MRPL19: variants seen among roughly 807,000 people sequenced by gnomAD.
MRPL19 encodes mitochondrial ribosomal protein L19, also known as large ribosomal subunit protein bL19m.
Under a neutral mutation model 34.0 loss-of-function variants are expected in MRPL19, and 31 were observed. The ratio of observed to expected loss-of-function variants is 0.91; its 90% CI spans 0.68 to 1.23. The LOEUF (loss-of-function observed/expected upper bound fraction) is 1.23, where lower values mean the gene tolerates loss of function less well. Ranked by LOEUF, MRPL19 falls within the 50% of genes most tolerant of loss-of-function variation. The pLI is 0.00. For synonymous variants in MRPL19, 152 were observed against 127.7 expected (o/e 1.19, Z -1.28); for missense variants, 384 against 367.6 (o/e 1.04, Z -0.37).
rs1351055256 is a variant in MRPL19, at chr2:75,659,680, T to G, written c.*4395T>G. Among the ~76,000 whole-genome samples, 1 of 152,200 alleles carries G rather than the reference T, an allele frequency of 6.6e-6. No individual in the cohort carries two copies. The highest frequency in any genetic ancestry group is 1.5e-5 in the Non-Finnish European group (1 of 68,026). On this transcript the variant is annotated 3_prime_UTR_variant, in exon 6 of 6. Transcript: ENST00000393909. ...GGTAACAGTATTTTTCTTTCAGCAC[T>G]TTAAATATGTCATCCCACTACCTTC...
intron 2 of MRPL19, 36 bp downstream of exon 2, chr2:75,647,255 G>A (rs1320488967): frequency 3.2e-6 from 5 of 1,546,716 alleles, no homozygotes; most frequent in Non-Finnish European, 3.5e-6. Context: ...CGGCAACTGG[G>A]GTCGGTGCGC....
rs546259886 is a variant in MRPL19 at position 75,652,413 on chromosome 2, GAAGTT to G, written c.341-103_341-99del. The G allele has an allele frequency of 5.2e-4, 716 of 1,388,208 alleles. 1 individual carries two copies. Among genetic ancestry groups the G allele is most frequent in the Middle Eastern group, 2.9e-3 (15 of 5,188 alleles). The allele number at this position is 1,388,208 out of a possible 1,614,324, so 86.0% of individuals were successfully genotyped here. Reference sequence around the variant, plus strand: ...TTTATTCCTACATTAAAACATTTAGGAAGTTAAGTTATCTAGAAATGCTATTTGTT... The same window carrying G: ...TTTATTCCTACATTAAAACATTTAGGAAGTTATCTAGAAATGCTATTTGTT... On this transcript the variant is annotated intron_variant, in intron 3 of 5. Transcript: ENST00000393909.
At chr2:75,652,352 G>GT in intron 3 of MRPL19, 92 bp downstream of exon 3, 1 of 1,311,372 alleles carries the variant, frequency 7.6e-7, no homozygotes, top group Non-Finnish European at 1.1e-6. Flanking sequence ...AAAGAAGATT[G>GT]TTTTTTACAT....
rs760001210 is a variant in MRPL19 at position 75,652,278 on chromosome 2, G to A, written c.340+18G>A. 2.0e-6 allele frequency: 3 copies of A among 1,478,506 alleles called. No homozygotes were observed. The highest frequency in any genetic ancestry group is 2.1e-5 in the Admixed American group (1 of 48,256). 91.6% of individuals were successfully genotyped at this position (1,478,506 alleles called of 1,614,324 possible). ...CTATGTTGGTCAGTAAGAGCTGTAT[G>A]TTTTTATTATTAGTAATTAGGATGG... is the stretch of plus-strand genomic sequence containing the variant. On this transcript the variant is annotated intron_variant, in intron 3 of 5. Coordinates refer to ENST00000393909, the MANE Select transcript of MRPL19 (RefSeq NM_014763.4).
Position 75,647,190 on chromosome 2 carries a change from C to G in MRPL19, c.192C>G (p.Asp64Glu), listed in dbSNP as rs1215436159. The change falls in exon 2 of 6, where the codon GAC becomes GAG. Residue 64 changes from aspartate (D) to glutamate (E), a missense_variant. Transcript: ENST00000393909. Reference sequence around the variant, plus strand: ...CGCCGCCGAAACCGGTCATCGTGGACAAGCACCGCCCCGTGGAACCGGAAC... The same window carrying G: ...CGCCGCCGAAACCGGTCATCGTGGAGAAGCACCGCCCCGTGGAACCGGAAC... ...FQPPPKPVIV[D>E]KHRPVEPERR... is the part of the protein sequence containing the mutation. 2.5e-6 allele frequency: 4 copies of G among 1,581,092 alleles called. No individual in the cohort carries two copies. Among genetic ancestry groups the G allele is most frequent in the Non-Finnish European group, 3.4e-6 (4 of 1,163,154 alleles).
intron 2 of MRPL19, 46 bp downstream of exon 2, chr2:75,647,265 C>T (rs771886271): frequency 2.6e-6 from 4 of 1,519,556 alleles, no homozygotes; most frequent in Admixed American, 2.1e-5. Context: ...GGTCGGTGCG[C>T]GCGTGAGCGC....
intron 4 of MRPL19, among the ~76,000 whole-genome samples, chr2:75,654,418 T>C (rs1370721608): frequency 6.6e-6 from 1 of 152,194 alleles, no homozygotes; most frequent in Non-Finnish European, 1.5e-5. Flanking sequence ...AAACGTGACA[T>C]AGGGAAGAAT....
At chr2:75,649,482 G>T (rs116701144) in intron 2 of MRPL19, among the ~76,000 whole-genome samples, 2,642 of 152,028 alleles carry the variant, frequency 0.017, 82 homozygotes, top group African/African-American at 0.059. Context: ...AATTCCTCCA[G>T]TGTGTCCCAG....
At position 75,655,195 on chromosome 2, in the gene MRPL19, A is replaced by AT; in HGVS notation, c.790dup (p.Trp264LeufsTer3). The AT allele has an allele frequency of 6.2e-7, 1 of 1,613,738 alleles. No individual in the cohort carries two copies. The highest frequency in any genetic ancestry group is 8.5e-7 in the Non-Finnish European group (1 of 1,179,798). ...AAGAAGCTCAGAAGTGGAATCAGCC[A>AT]TGGCTTGAATTTGATATGATGAGGG... On this transcript the variant is annotated frameshift_variant, in exon 6 of 6. Coordinates refer to ENST00000393909, the MANE Select transcript of MRPL19 (RefSeq NM_014763.4). LOFTEE classifies it high-confidence loss of function.
rs1678507499 is a variant in MRPL19, at chr2:75,658,184, C to T, written c.*2899C>T. Among the ~76,000 whole-genome samples, 1 of 152,044 alleles carries T rather than the reference C, an allele frequency of 6.6e-6. No homozygotes were observed. The stretch of plus-strand genomic sequence containing the variant: ...CAAAATCCTGGGCTCAAGCAATCCT[C>T]CTTGAGTAGCTAAGACTATAGGCAC... On this transcript the variant is annotated 3_prime_UTR_variant, in exon 6 of 6. Coordinates refer to ENST00000393909, the MANE Select transcript of MRPL19 (RefSeq NM_014763.4).
At chr2:75,648,037 C>A (rs13032271) in intron 2 of MRPL19, among the ~76,000 whole-genome samples, 82,584 of 151,654 alleles carry the variant, frequency 0.54, 22,950 homozygotes, top group East Asian at 0.69. Flanking sequence ...TGGTACCACG[C>A]CTGGCTTTTT....
chr2:75,655,539 C>A lies in MRPL19; in HGVS notation c.*254C>A. On this transcript the variant is annotated 3_prime_UTR_variant, in exon 6 of 6. Coordinates refer to ENST00000393909, the MANE Select transcript of MRPL19 (RefSeq NM_014763.4). ...GCTACAATAGAAGTCAGAGCATCAC[C>A]AGAATGGTCTTTAATGAGCATGGAA... is the stretch of plus-strand genomic sequence containing the variant. 1 of 353,180 alleles carries A rather than the reference C, an allele frequency of 2.8e-6. No homozygotes were observed. Among genetic ancestry groups the A allele is most frequent in the Non-Finnish European group, 5.1e-6 (1 of 196,536 alleles). The allele number at this position is 353,180 out of a possible 1,614,324, so 21.9% of individuals were successfully genotyped here. A position where few individuals can be genotyped will look rare whatever the true frequency, so the allele number is the denominator to read the frequency against.
rs371888994 is a variant in MRPL19 at position 75,655,521 on chromosome 2, T to C, written c.*236T>C. The C allele has an allele frequency of 3.5e-5, 14 of 396,170 alleles. No individual in the cohort carries two copies. Among genetic ancestry groups the C allele is most frequent in the East Asian group, 3.1e-4 (7 of 22,270 alleles). 24.5% of individuals were successfully genotyped at this position (396,170 alleles called of 1,614,324 possible). On this transcript the variant is annotated 3_prime_UTR_variant, in exon 6 of 6. Transcript: ENST00000393909. The stretch of plus-strand genomic sequence containing the variant: ...TTGCTTATTGGAGGCAAAGCTACAA[T>C]AGAAGTCAGAGCATCACCAGAATGG...
intron 4 of MRPL19, among the ~76,000 whole-genome samples, chr2:75,654,338 CT>C (rs1474389739): frequency 6.6e-6 from 1 of 152,166 alleles, no homozygotes; most frequent in Non-Finnish European, 1.5e-5. Flanking sequence ...TATTTTACTT[CT>C]TTTGTACCAT....
In MRPL19 at chr2:75,656,345, A is replaced by T. The variant is rs1037066349; in HGVS notation, c.*1060A>T. The T allele has an allele frequency of 3.9e-5, 6 of 152,148 alleles. No homozygotes were observed. The highest frequency in any genetic ancestry group is 1.4e-4 in the African/African-American group (6 of 41,432). 9.4% of individuals were successfully genotyped at this position (152,148 alleles called of 1,614,324 possible). On this transcript the variant is annotated 3_prime_UTR_variant, in exon 6 of 6. Coordinates refer to ENST00000393909, the MANE Select transcript of MRPL19 (RefSeq NM_014763.4). ...TCCTCAGGTTAAAAAATACAGTACT[A>T]TCCTAAATCTTGAAGGCAACTCTCA...
chr2:75,652,160 C>A lies in MRPL19; in HGVS notation c.240C>A (p.Phe80Leu). ...EPERRFLSPE[F>L]IPRRGRTDPL... ...TTTACAGGTTCTTGAGTCCTGAATT[C>A]ATTCCTCGAAGGGGAAGAACAGATC... The change falls in exon 3 of 6, where the codon TTC (phenylalanine) becomes TTA (leucine). Residue 80 changes from phenylalanine (F) to leucine (L), a missense_variant. Phe to Leu is a conservative substitution (Grantham distance 22, BLOSUM62 0). Transcript: ENST00000393909. 6.3e-7 allele frequency: 1 copy of A among 1,585,818 alleles called. No homozygotes were observed. The highest frequency in any genetic ancestry group is 8.6e-7 in the Non-Finnish European group (1 of 1,167,014).
chr2:75,652,037 G>A, intron 2 of MRPL19, 105 bp from the exon 3 acceptor site: 2 of 619,370 alleles, frequency 3.2e-6, no homozygotes, highest in Non-Finnish European at 5.5e-6. Context: ...AGACAATGAA[G>A]AATAAAATAC....
At position 75,657,156 on chromosome 2, in the gene MRPL19, T is replaced by C. The variant is rs1678473755; in HGVS notation, c.*1871T>C. On this transcript the variant is annotated 3_prime_UTR_variant, in exon 6 of 6. Coordinates refer to ENST00000393909, the MANE Select transcript of MRPL19 (RefSeq NM_014763.4). The stretch of plus-strand genomic sequence containing the variant: ...CTTTCTGTATTTATTTTTTGTTGTC[T>C]ATATTTCAGACTTTTCCAGGATATC... 1 of 152,176 alleles carries C rather than the reference T, an allele frequency of 6.6e-6. No homozygotes were observed. Among genetic ancestry groups the C allele is most frequent in the Admixed American group, 6.5e-5 (1 of 15,272 alleles). 9.4% of individuals were successfully genotyped at this position (152,176 alleles called of 1,614,324 possible). A position where few individuals can be genotyped will look rare whatever the true frequency, so the allele number is the denominator to read the frequency against.
rs1184641981 is a variant in MRPL19, at chr2:75,659,983, A to G, written c.*4698A>G. 6.6e-6 allele frequency among the ~76,000 whole-genome samples: 1 copy of G among 151,994 alleles called. No homozygotes were observed. The highest frequency in any genetic ancestry group is 1.5e-5 in the Non-Finnish European group (1 of 67,970). ...ACTGCTTCTTTCTTTTCCTTCTGAA[A>G]TATTCTTAATGTATATGTTGGTCTG... On this transcript the variant is annotated 3_prime_UTR_variant, in exon 6 of 6. Coordinates refer to ENST00000393909, the MANE Select transcript of MRPL19 (RefSeq NM_014763.4).
Sources: gnomAD v4.1 joint callset for allele counts (sites outside exome capture counted in the v4.1 genomes callset) on GRCh38, gnomAD v4.1.1 for gene constraint, MANE v1.5 for transcripts, NCBI Gene and HGNC (gene_info 2026-07-23, HGNC 2026-07-21) for gene names.